The following SP140 variants were observed in gnomAD, a reference collection of about 807,000 sequenced individuals.
The protein encoded by SP140 is nuclear body protein SP140.
Under a neutral mutation model 125.0 loss-of-function variants are expected in SP140, and 81 were observed. The observed-to-expected ratio is 0.65, with a 90% CI of 0.54 to 0.78. The LOEUF is 0.78. SP140 is among the 30% of genes least tolerant of loss of function. SP140 has a pLI of 0.00. For synonymous variants in SP140, 312 were observed against 354.0 expected (o/e 0.88, Z 1.33); for missense variants, 858 against 1,037.0 (o/e 0.83, Z 2.37).
chr2:230,287,457 C>T (rs894043017), intron 17 of SP140, among the ~76,000 whole-genome samples: 10 of 152,080 alleles, frequency 6.6e-5, no homozygotes, highest in African/African-American at 2.4e-4. Flanking sequence ...TCTCAATTTT[C>T]TCTGAATATT....
Position 230,211,392 on chromosome 2 carries a change from T to C in SP140, c.-322-2262T>C, listed in dbSNP as rs1345408103. 5 of 923,922 alleles carry C rather than the reference T, an allele frequency of 5.4e-6. No individual in the cohort carries two copies. The highest frequency in any genetic ancestry group is 2.6e-5 in the South Asian group (2 of 77,310). 57.2% of individuals were successfully genotyped at this position (923,922 alleles called of 1,614,324 possible). On this transcript the variant is annotated intron_variant, in intron 1 of 4. Transcript: ENST00000456542. This position sits in a 1 kb window ranked among gnomAD's most constrained non-coding sequence, Gnocchi z 4.2. ...AGAGGCAGGAGGAGAGCCCCCTCTC[T>C]AGAAGATCCGAATGGCTTTTCCTCT...
chr2:230,310,107 C>A, intron 23 of SP140, 68 bp downstream of exon 23: 1 of 1,466,420 alleles, frequency 6.8e-7, no homozygotes, highest in South Asian at 1.2e-5. Flanking sequence ...GCGCACTCTC[C>A]AGCAGAGTGC....
rs2049959224 is a variant in SP140 at position 230,249,107 on chromosome 2, C to T, written c.976+139C>T. On this transcript the variant is annotated intron_variant, in intron 9 of 26. Coordinates refer to ENST00000392045, the MANE Select transcript of SP140 (RefSeq NM_007237.5). Reference sequence around the variant, plus strand: ...ATACAGATGGAATTATGTCAATTTTCTGTTGTGCCTTTTTGAAAACTGTGA... The same window carrying T: ...ATACAGATGGAATTATGTCAATTTTTTGTTGTGCCTTTTTGAAAACTGTGA... The T allele has an allele frequency of 6.2e-6, 4 of 647,288 alleles. No homozygotes were observed. The East Asian group carries it at 1.1e-4, about 18-fold the overall frequency. The allele number at this position is 647,288 out of a possible 1,614,324, so 40.1% of individuals were successfully genotyped here. A position where few individuals can be genotyped will look rare whatever the true frequency, so the allele number is the denominator to read the frequency against.
intron 15 of SP140, among the ~76,000 whole-genome samples, chr2:230,271,852 G>A (rs2053979099): frequency 6.6e-6 from 1 of 152,188 alleles, no homozygotes; most frequent in Non-Finnish European, 1.5e-5. Context: ...AGTTCCCTGG[G>A]AAGTAGTGAA....
intron 22 of SP140, among the ~76,000 whole-genome samples, chr2:230,308,904 G>A (rs181408791): frequency 3.9e-5 from 6 of 152,276 alleles, no homozygotes; most frequent in Admixed American, 6.5e-5. Context: ...TCACTTGAAC[G>A]GCAAAGGGCT....
chr2:230,217,347 A>C (rs1264084725), intron 3 of SP140, among the ~76,000 whole-genome samples: 1 of 152,036 alleles, frequency 6.6e-6, no homozygotes, highest in African/African-American at 2.4e-5. Flanking sequence ...CTGGTCCCAA[A>C]GGCATCCTTA....
upstream of SP140, among the ~76,000 whole-genome samples, chr2:230,201,619 A>T (rs915660389): frequency 2.0e-4 from 30 of 152,390 alleles, no homozygotes; most frequent in African/African-American, 7.0e-4. Context: ...TGAAGAGCAC[A>T]TATAAAGCAC....
rs747240213 is a variant in SP140 at position 230,247,887 on chromosome 2, C to T, written c.743-29C>T. ...TGAAATTATATGGAAATTACATACACTCTCAGAGATGCCTTTTTTGATCCC... is the reference window on the plus strand; with the variant it reads ...TGAAATTATATGGAAATTACATACATTCTCAGAGATGCCTTTTTTGATCCC... On this transcript the variant is annotated intron_variant, in intron 7 of 26. Transcript: ENST00000392045. The T allele has an allele frequency of 6.2e-6, 10 of 1,609,196 alleles. No individual in the cohort carries two copies. The South Asian group carries it at 1.1e-4, about 18-fold the overall frequency.
At chr2:230,309,081 T>C (rs559617088) in intron 22 of SP140, among the ~76,000 whole-genome samples, 2 of 152,294 alleles carry the variant, frequency 1.3e-5, no homozygotes, top group South Asian at 4.1e-4. Flanking sequence ...TTTCCCCAAA[T>C]GAAATTAAAT....
At chr2:230,213,051 A>G in intron 1 of SP140, 1 of 1,612,562 alleles carries the variant, frequency 6.2e-7, no homozygotes, top group Non-Finnish European at 8.5e-7. Flanking sequence ...AGGGACACAC[A>G]TCAGTACCCT....
Position 230,245,053 on chromosome 2 carries a change from G to C in SP140, c.637G>C (p.Ala213Pro). ...GGCTGGTGGAGGAGATGCTGAAGAT[G>C]CACCCAGCCTACTACCAGGTGGGGG... ...PKAGGGDAED[A>P]PSLLPGGGVS... The change falls in exon 6 of 27, where the codon GCA becomes CCA. Residue 213 changes from alanine to proline, a missense_variant. Physicochemically the swap from Ala to Pro is conservative, Grantham distance 27 (BLOSUM62 -1). Coordinates refer to ENST00000392045, the MANE Select transcript of SP140 (RefSeq NM_007237.5). 1 of 1,612,556 alleles carries C rather than the reference G, an allele frequency of 6.2e-7. No individual in the cohort carries two copies. Among genetic ancestry groups the C allele is most frequent in the Non-Finnish European group, 8.5e-7 (1 of 1,178,808 alleles).
At chr2:230,290,957 A>T (rs1417531313) in intron 19 of SP140, among the ~76,000 whole-genome samples, 1 of 152,176 alleles carries the variant, frequency 6.6e-6, no homozygotes, top group Admixed American at 6.5e-5. Context: ...AGAATTTGGG[A>T]TCAGAAAGCC....
downstream of SP140, among the ~76,000 whole-genome samples, chr2:230,314,938 G>A (rs1222815036): frequency 6.6e-6 from 1 of 152,242 alleles, no homozygotes; most frequent in South Asian, 2.1e-4. Flanking sequence ...CCAAGAGGCA[G>A]CATTTAACTG....
chr2:230,311,834 G>A (rs190096102), intron 26 of SP140, among the ~76,000 whole-genome samples: 76 of 152,322 alleles, frequency 5.0e-4, no homozygotes, highest in African/African-American at 1.8e-3. Flanking sequence ...ACCTGCCCCA[G>A]AGGAGACAGG....
chr2:230,212,514 T>C, intron 1 of SP140: 2 of 1,195,486 alleles, frequency 1.7e-6, no homozygotes, highest in East Asian at 2.3e-5. Context: ...CTGGGGCAGA[T>C]AGAGCATCAA....
intron 7 of SP140, among the ~76,000 whole-genome samples, chr2:230,246,603 G>T (rs1174242932): frequency 7.2e-5 from 11 of 152,164 alleles, no homozygotes; most frequent in Non-Finnish European, 1.5e-4. Context: ...AAAAGATGAG[G>T]CCTTTGATAC....
At chr2:230,245,240 G>T (rs1210700642) in intron 6 of SP140, among the ~76,000 whole-genome samples, 160 bp downstream of exon 6, 1 of 152,132 alleles carries the variant, frequency 6.6e-6, no homozygotes, top group East Asian at 1.9e-4. Context: ...GTAAAGGACG[G>T]CTAAGTCCTT....
intron 15 of SP140, among the ~76,000 whole-genome samples, chr2:230,274,679 C>CA (rs200146378): frequency 1.2e-4 from 17 of 147,464 alleles, no homozygotes; most frequent in South Asian, 8.5e-4. Context: ...TTTTGTAAGA[C>CA]AAAAAAAAAA....
intron 7 of SP140, among the ~76,000 whole-genome samples, 186 bp downstream of exon 7, chr2:230,246,126 C>T (rs972184887): frequency 7.9e-5 from 12 of 152,204 alleles, no homozygotes; most frequent in Middle Eastern, 6.8e-3. Flanking sequence ...TCCATCCATC[C>T]AGCCATCCAT....
Sources: gnomAD v4.1 joint callset for allele counts (sites outside exome capture counted in the v4.1 genomes callset) on GRCh38, gnomAD v4.1.1 for gene constraint, Gnocchi (gnomAD v3.1) non-coding constraint, MANE v1.5 for transcripts, NCBI Gene and HGNC (gene_info 2026-07-23, HGNC 2026-07-21) for gene names.